The following ETV6 variants were observed in gnomAD, a reference collection of about 807,000 sequenced individuals.
ETV6 encodes the protein ETS variant transcription factor 6, also known as transcription factor ETV6.
Under a neutral mutation model 51.1 loss-of-function variants are expected in ETV6, and 16 were observed. The ratio of observed to expected loss-of-function variants is 0.31; its 90% CI spans 0.21 to 0.48. The LOEUF (loss-of-function observed/expected upper bound fraction) is 0.48, where lower values mean the gene tolerates loss of function less well. ETV6 is among the 20% of genes least tolerant of loss of function. The pLI, the probability that ETV6 is intolerant of heterozygous loss-of-function variation, is 0.99. For missense variants in ETV6, 458 were observed against 594.8 expected, an observed-to-expected ratio of 0.77 and a Z score of 2.39; for synonymous variants, 240 against 224.1, an observed-to-expected ratio of 1.07 and a Z score of -0.64.
chr12:11,789,254 A>G (rs573384816), intron 2 of ETV6, among the ~76,000 whole-genome samples: 3 of 152,110 alleles, frequency 2.0e-5, no homozygotes, highest in East Asian at 1.9e-4. Context: ...GGCTAGTCTC[A>G]AACTCCTGAC....
rs1199652054 is a variant in ETV6 at position 11,893,840 on chromosome 12, A to C, written c.*2794A>C. On this transcript the variant is annotated 3_prime_UTR_variant, in exon 8 of 8. Transcript: ENST00000396373. The stretch of plus-strand genomic sequence containing the variant: ...TATATATATATATATATATATATAT[A>C]TACACACACACACACATACACAAAT... 1 of 81,908 alleles carries C rather than the reference A, an allele frequency of 1.2e-5. No homozygotes were observed. The highest frequency in any genetic ancestry group is 2.5e-5 in the Non-Finnish European group (1 of 40,324). 5.1% of individuals were successfully genotyped at this position (81,908 alleles called of 1,614,324 possible). A position where few individuals can be genotyped will look rare whatever the true frequency, so the allele number is the denominator to read the frequency against.
chr12:11,876,325 G>A (rs1250412642), intron 5 of ETV6, among the ~76,000 whole-genome samples: 2 of 152,152 alleles, frequency 1.3e-5, no homozygotes, highest in East Asian at 1.9e-4. Context: ...TCATGTGCCA[G>A]GCATTGTTCT....
At chr12:11,759,750 C>A (rs377063185) in intron 2 of ETV6, among the ~76,000 whole-genome samples, 8 of 141,970 alleles carry the variant, frequency 5.6e-5, no homozygotes, top group African/African-American at 2.0e-4. Context: ...TGCTTTCTGG[C>A]AGGTGTGATA....
intron 7 of ETV6, among the ~76,000 whole-genome samples, chr12:11,889,887 T>G (rs548674119): frequency 6.6e-6 from 1 of 152,188 alleles, no homozygotes; most frequent in East Asian, 1.9e-4. Context: ...GAGAAAGGTG[T>G]GCAGGCACAG....
At chr12:11,783,200 C>T (rs905601212) in intron 2 of ETV6, among the ~76,000 whole-genome samples, 11 of 151,288 alleles carry the variant, frequency 7.3e-5, no homozygotes, top group Middle Eastern at 3.4e-3. Flanking sequence ...AGTGGCAAGA[C>T]GAGAAGGAAG....
intron 1 of ETV6, among the ~76,000 whole-genome samples, chr12:11,736,828 G>A (rs545999492): frequency 3.3e-5 from 5 of 152,206 alleles, no homozygotes; most frequent in Non-Finnish European, 4.4e-5. Context: ...ATGGCCCTAG[G>A]TGGAAACACA....
rs537856950 is a variant in ETV6 at position 11,710,386 on chromosome 12, A to G, written c.34-42064A>G. On this transcript the variant is annotated intron_variant, in intron 1 of 7. Coordinates refer to ENST00000396373, the MANE Select transcript of ETV6 (RefSeq NM_001987.5). Reference sequence around the variant, plus strand: ...TCTCCTCAGATGTCAGTCTGTATTTATTATGTGTCACCATGTACTAGATAC... The same window carrying G: ...TCTCCTCAGATGTCAGTCTGTATTTGTTATGTGTCACCATGTACTAGATAC... 3.9e-5 allele frequency among the ~76,000 whole-genome samples: 6 copies of G among 152,036 alleles called. No homozygotes were observed. The South Asian group carries it at 1.3e-3, about 32-fold the overall frequency.
intron 2 of ETV6, among the ~76,000 whole-genome samples, chr12:11,777,196 C>T (rs554476048): frequency 3.5e-5 from 5 of 143,986 alleles, no homozygotes; most frequent in East Asian, 4.2e-4. Flanking sequence ...GCCGAGATAG[C>T]GCCACTGCAC....
chr12:11,844,816 G>C (rs888857922), intron 3 of ETV6, among the ~76,000 whole-genome samples: 20 of 150,288 alleles, frequency 1.3e-4, no homozygotes, highest in African/African-American at 4.6e-4. Flanking sequence ...GGTCACTTAC[G>C]TGAAAGTCAT....
At chr12:11,810,478 A>G (rs1301736982) in intron 2 of ETV6, among the ~76,000 whole-genome samples, 1 of 152,204 alleles carries the variant, frequency 6.6e-6, no homozygotes, top group African/African-American at 2.4e-5. Context: ...GCTCAGAACC[A>G]AGCATCTGTG....
intron 1 of ETV6, among the ~76,000 whole-genome samples, chr12:11,740,858 A>G (rs1225981060): frequency 6.6e-6 from 1 of 152,164 alleles, no homozygotes; most frequent in Non-Finnish European, 1.5e-5. Flanking sequence ...AGAAGACAAC[A>G]TTGGGTTTAG....
chr12:11,708,056 T>A (rs1400871056), intron 1 of ETV6, among the ~76,000 whole-genome samples: 1 of 152,216 alleles, frequency 6.6e-6, no homozygotes, highest in African/African-American at 2.4e-5. Flanking sequence ...ATTTTGAATG[T>A]TCTGTTATGC....
intron 2 of ETV6, among the ~76,000 whole-genome samples, chr12:11,821,046 A>G (rs55670458): frequency 0.036 from 5,507 of 152,232 alleles, 192 homozygotes; most frequent in Non-Finnish European, 0.057. Context: ...ACACTTACCA[A>G]TGGACCAGAA....
chr12:11,750,270 A>G (rs1865995928), intron 1 of ETV6, among the ~76,000 whole-genome samples: 1 of 152,242 alleles, frequency 6.6e-6, no homozygotes, highest in African/African-American at 2.4e-5. Context: ...ATTACAGTAT[A>G]TACACTTTCA....
At chr12:11,678,477 T>A (rs541965889) in intron 1 of ETV6, among the ~76,000 whole-genome samples, 2 of 152,346 alleles carry the variant, frequency 1.3e-5, no homozygotes, top group South Asian at 4.2e-4. Flanking sequence ...ACTTTTTTCC[T>A]CCTGATTTCC....
chr12:11,891,156 G>A lies in ETV6; in HGVS notation c.*110G>A, dbSNP rs1252234676. ...GGCTGAGGAGAGTGGAAAAGGAAGC[G>A]ACCCAGAAATGGCAGGGACACTTCT... On this transcript the variant is annotated 3_prime_UTR_variant, in exon 8 of 8. Coordinates refer to ENST00000396373, the MANE Select transcript of ETV6 (RefSeq NM_001987.5). The A allele has an allele frequency of 4.8e-6, 4 of 825,356 alleles. No individual in the cohort carries two copies. Among genetic ancestry groups the A allele is most frequent in the Admixed American group, 2.3e-5 (1 of 43,218 alleles). The allele number at this position is 825,356 out of a possible 1,614,324, so 51.1% of individuals were successfully genotyped here.
At chr12:11,687,060 A>G (rs1482632372) in intron 1 of ETV6, among the ~76,000 whole-genome samples, 1 of 151,780 alleles carries the variant, frequency 6.6e-6, no homozygotes, top group African/African-American at 2.4e-5. Flanking sequence ...TGATTTTTGT[A>G]TTTTTAGTAG....
chr12:11,762,805 G>A (rs1945108445), intron 2 of ETV6, among the ~76,000 whole-genome samples: 1 of 152,170 alleles, frequency 6.6e-6, no homozygotes, highest in Non-Finnish European at 1.5e-5. Context: ...GTAAGATTAG[G>A]GAGAAAAGAC....
intron 1 of ETV6, among the ~76,000 whole-genome samples, chr12:11,715,875 A>G (rs1260787477): frequency 1.3e-5 from 2 of 152,228 alleles, no homozygotes; most frequent in East Asian, 3.8e-4. Context: ...AGGTTTCTGT[A>G]GGTTTCTTAT....
Sources: gnomAD v4.1 joint callset for allele counts (sites outside exome capture counted in the v4.1 genomes callset) on GRCh38, gnomAD v4.1.1 for gene constraint, MANE v1.5 for transcripts, NCBI Gene and HGNC (gene_info 2026-07-23, HGNC 2026-07-21) for gene names.